The following GGCT variants were observed in gnomAD, a reference collection of about 807,000 sequenced individuals.
GGCT encodes gamma-glutamylcyclotransferase, also known as cytochrome c-releasing factor 21.
In GGCT, 20 loss-of-function variants were observed where a neutral mutation model predicts 22.1. The observed-to-expected ratio is 0.91, with a 90% CI of 0.64 to 1.32. The LOEUF (loss-of-function observed/expected upper bound fraction) is 1.32, where lower values mean the gene tolerates loss of function less well. GGCT is among the 40% of genes most tolerant of loss of function. The probability of loss-of-function intolerance (pLI) is 0.00; values close to 1 mark genes in which losing one functional copy is unlikely to be tolerated. For missense variants in GGCT, 209 were observed against 223.5 expected (o/e 0.94, Z 0.41); for synonymous variants, 72 against 78.4 (o/e 0.92, Z 0.43).
chr7:30,501,021 A>G (rs769017422), intron 1 of GGCT, among the ~76,000 whole-genome samples: 1 of 152,204 alleles, frequency 6.6e-6, no homozygotes, highest in Non-Finnish European at 1.5e-5. Flanking sequence ...GTCTTCTTAC[A>G]TACACATAAA....
intron 1 of GGCT, among the ~76,000 whole-genome samples, chr7:30,501,238 C>A (rs1789695274): frequency 6.6e-6 from 1 of 152,192 alleles, no homozygotes; most frequent in South Asian, 2.1e-4. Flanking sequence ...GAGCACCTAA[C>A]ACTAACTGCA....
Position 30,500,681 on chromosome 7 carries a change from C to T in GGCT, c.142G>A (p.Asp48Asn). ...GAATTGCCAAAGTCAAGCTTAAAAT[C>T]CTACAAAGGAAATCAAAGTGATATG... Reference protein sequence around the residue: ...AAFFCVARLQDFKLDFGNSQG... With the variant: ...AAFFCVARLQNFKLDFGNSQG... The change falls in exon 2 of 4, where the codon GAT becomes AAT. Residue 48 changes from aspartate to asparagine, a missense_variant and splice_region_variant. Transcript: ENST00000275428. 6.2e-7 allele frequency: 1 copy of T among 1,613,040 alleles called. No homozygotes were observed. The highest frequency in any genetic ancestry group is 8.5e-7 in the Non-Finnish European group (1 of 1,179,478).
chr7:30,504,814 G>T lies in GGCT; in HGVS notation c.-105C>A. The T allele has an allele frequency of 1.7e-6, 2 of 1,197,042 alleles. No homozygotes were observed. The highest frequency in any genetic ancestry group is 1.2e-6 in the Non-Finnish European group (1 of 820,478). 74.2% of individuals were successfully genotyped at this position (1,197,042 alleles called of 1,614,324 possible). A position where few individuals can be genotyped will look rare whatever the true frequency, so the allele number is the denominator to read the frequency against. On this transcript the variant is annotated 5_prime_UTR_variant, in exon 1 of 4. It adds an upstream start codon to the 5' untranslated region. Coordinates refer to ENST00000275428, the MANE Select transcript of GGCT (RefSeq NM_024051.4). ...CCGGCGCAGTGACCGCCGCGCGGCA[G>T]CCTCAGGGTTAGGGGACTGGCGGGA... is the stretch of plus-strand genomic sequence containing the variant.
Position 30,504,539 on chromosome 7 carries a change from G to A in GGCT, c.141+30C>T, listed in dbSNP as rs377739222. 19 of 1,611,780 alleles carry A rather than the reference G, an allele frequency of 1.2e-5. No individual in the cohort carries two copies. The East Asian group carries it at 3.1e-4, about 26-fold the overall frequency. ...AGCGCCTTCTGGGCATCCCGGCCCC[G>A]GCGTGGGTAGCGCGGGAGGGGGCAC... On this transcript the variant is annotated intron_variant, in intron 1 of 3. Coordinates refer to ENST00000275428, the MANE Select transcript of GGCT (RefSeq NM_024051.4).
chr7:30,504,144 G>A (rs1048954887), intron 1 of GGCT, among the ~76,000 whole-genome samples: 6 of 152,232 alleles, frequency 3.9e-5, no homozygotes, highest in Non-Finnish European at 7.3e-5. Flanking sequence ...CCTCTTAGAT[G>A]AGGAGCGAAA....
chr7:30,499,216 T>TG (rs1185855189), intron 2 of GGCT, among the ~76,000 whole-genome samples: 1 of 151,808 alleles, frequency 6.6e-6, no homozygotes, highest in African/African-American at 2.4e-5. Context: ...AAGACCAGCC[T>TG]GGCCAACATG....
In GGCT at chr7:30,501,395, A is replaced by G. The variant is rs78474414; in HGVS notation, c.142-714T>C. Among the ~76,000 whole-genome samples the G allele has an allele frequency of 5.9e-5, 9 of 152,304 alleles. No individual in the cohort carries two copies. The East Asian group carries it at 1.5e-3, about 26-fold the overall frequency. ...GGTGGATCATTTTGTACACAGTGCT[A>G]TTGGCTAATATATAATTATGGACCA... On this transcript the variant is annotated intron_variant, in intron 1 of 3. Coordinates refer to ENST00000275428, the MANE Select transcript of GGCT (RefSeq NM_024051.4).
At position 30,500,696 on chromosome 7, in the gene GGCT, A is replaced by C. The variant is rs1209834336; in HGVS notation, c.142-15T>G. 20 of 1,611,438 alleles carry C rather than the reference A, an allele frequency of 1.2e-5. No individual in the cohort carries two copies. Among genetic ancestry groups the C allele is most frequent in the Admixed American group, 1.7e-5 (1 of 59,906 alleles). On this transcript the variant is annotated splice_polypyrimidine_tract_variant and intron_variant, in intron 1 of 3. Transcript: ENST00000275428. ...AGCTTAAAATCCTACAAAGGAAATC[A>C]AAGTGATATGATCAATATCCACTTG...
At chr7:30,502,084 A>G (rs1383792948) in intron 1 of GGCT, among the ~76,000 whole-genome samples, 1 of 152,080 alleles carries the variant, frequency 6.6e-6, no homozygotes, top group Non-Finnish European at 1.5e-5. Flanking sequence ...CTTGATCTCA[A>G]TCCCCTTTGC....
chr7:30,500,300 C>T (rs1016269654), intron 2 of GGCT, among the ~76,000 whole-genome samples: 5 of 152,132 alleles, frequency 3.3e-5, no homozygotes, highest in African/African-American at 1.2e-4. Context: ...AAAATAAGGG[C>T]TTCCATCTTT....
intron 3 of GGCT, 146 bp downstream of exon 3, chr7:30,498,657 G>T (rs1216522068): frequency 4.3e-6 from 3 of 697,442 alleles, no homozygotes; most frequent in Admixed American, 5.0e-5. Context: ...AACTTCAGGT[G>T]ATCTGCCCGC....
At position 30,500,522 on chromosome 7, in the gene GGCT, T is replaced by G. The variant is rs368417646; in HGVS notation, c.287+14A>C. ...AATTAATTACTGTTTAACTTATAAT[T>G]AGAAGCCACCTACTCATCCAGAGAA... On this transcript the variant is annotated intron_variant, in intron 2 of 3. Coordinates refer to ENST00000275428, the MANE Select transcript of GGCT (RefSeq NM_024051.4). 2.6e-4 allele frequency: 420 copies of G among 1,602,622 alleles called. No homozygotes were observed. Among genetic ancestry groups the G allele is most frequent in the Middle Eastern group, 1.0e-3 (6 of 6,030 alleles).
chr7:30,504,680 C>T lies in GGCT; in HGVS notation c.30G>A (p.Thr10=), dbSNP rs1789790142. MANSGCKDV[T]GPDEESFLYF... is the part of the protein sequence containing the mutation. ...ACAGAAAACTCTCCTCATCTGGACC[C>T]GTGACGTCCTTGCAGCCCGAGTTGG... The change falls in exon 1 of 4, where the codon ACG becomes ACA. Residue 10 remains threonine, a synonymous_variant. Transcript: ENST00000275428. The T allele has an allele frequency of 6.2e-7, 1 of 1,614,076 alleles. No homozygotes were observed. The highest frequency in any genetic ancestry group is 1.3e-5 in the African/African-American group (1 of 75,046).
chr7:30,503,781 CTTTTTTTTTTT>C (rs58105855), intron 1 of GGCT, among the ~76,000 whole-genome samples: 3 of 68,560 alleles, frequency 4.4e-5, no homozygotes, highest in Non-Finnish European at 7.5e-5. Context: ...TCAACACATT[CTTTTTTTTTTT>C]TTTTTTTTTT....
rs1162155996 is a variant in GGCT at position 30,504,768 on chromosome 7, G to C, written c.-59C>G. Reference sequence around the variant, plus strand: ...AGAGTGTAAGGAACGGCCAGAGAGCGCAACACTGGGGCCCACTACCCCGGC... The same window carrying C: ...AGAGTGTAAGGAACGGCCAGAGAGCCCAACACTGGGGCCCACTACCCCGGC... On this transcript the variant is annotated 5_prime_UTR_variant, in exon 1 of 4. Transcript: ENST00000275428. 8 of 1,550,754 alleles carry C rather than the reference G, an allele frequency of 5.2e-6. No individual in the cohort carries two copies. Among genetic ancestry groups the C allele is most frequent in the Middle Eastern group, 3.4e-4 (2 of 5,942 alleles).
intron 1 of GGCT, among the ~76,000 whole-genome samples, chr7:30,502,195 T>C (rs936024593): frequency 1.3e-5 from 2 of 152,244 alleles, no homozygotes; most frequent in Non-Finnish European, 2.9e-5. Flanking sequence ...CTTTTTTGCT[T>C]ACCTGTGGTG....
At position 30,501,712 on chromosome 7, in the gene GGCT, C is replaced by T. The variant is rs115323267; in HGVS notation, c.142-1031G>A. On this transcript the variant is annotated intron_variant, in intron 1 of 3. Transcript: ENST00000275428. ...CTAGGAAGATTTCTTTCCATCTTTC[C>T]AGAGCTTAGTTTCCTTATAGATAAA... Among the ~76,000 whole-genome samples the T allele has an allele frequency of 8.1e-3, 1,240 of 152,248 alleles. 24 individuals carry two copies. The highest frequency in any genetic ancestry group is 0.028 in the African/African-American group (1,168 of 41,526).
intron 1 of GGCT, among the ~76,000 whole-genome samples, chr7:30,503,651 C>G (rs771331369): frequency 6.6e-6 from 1 of 152,098 alleles, no homozygotes; most frequent in Non-Finnish European, 1.5e-5. Flanking sequence ...GCTCCGTGGG[C>G]TGGTTCTGTT....
intron 3 of GGCT, among the ~76,000 whole-genome samples, chr7:30,498,181 CAAAAGAAA>C (rs1330286426): frequency 9.9e-6 from 1 of 101,278 alleles, no homozygotes; most frequent in Non-Finnish European, 2.5e-5. Flanking sequence ...TATTGCCAGG[CAAAAGAAA>C]GAAAGAAAGA....
Sources: allele counts gnomAD v4.1 joint callset (sites outside exome capture counted in the v4.1 genomes callset), GRCh38; gene constraint gnomAD v4.1.1; transcripts MANE v1.5; gene names NCBI Gene and HGNC (gene_info 2026-07-23, HGNC 2026-07-21).